BNC2: variants seen among roughly 807,000 people sequenced by gnomAD.
The protein encoded by BNC2 is zinc finger protein basonuclin-2.
BNC2 carries 20 observed loss-of-function variants against 76.3 expected under a neutral mutation model. The ratio of observed to expected loss-of-function variants is 0.26; its 90% CI spans 0.18 to 0.38. The LOEUF is 0.38. BNC2 is among the 10% of genes least tolerant of loss of function. The pLI is 1.00. For synonymous variants in BNC2, 582 were observed against 514.8 expected (o/e 1.13, Z -1.77); for missense variants, 1,382 against 1,399.8 (o/e 0.99, Z 0.20).
intron 1 of BNC2, among the ~76,000 whole-genome samples, chr9:16,815,091 T>A (rs951692590): frequency 3.9e-5 from 6 of 152,206 alleles, no homozygotes; most frequent in Admixed American, 2.0e-4. Flanking sequence ...TACACTCGTT[T>A]GACCAGCCTT....
chr9:16,483,144 G>A (rs577754242), intron 5 of BNC2, among the ~76,000 whole-genome samples: 177 of 152,254 alleles, frequency 1.2e-3, no homozygotes, highest in Non-Finnish European at 2.0e-3. Context: ...GGAATGAGAC[G>A]GGAAATGAAA....
intron 1 of BNC2, among the ~76,000 whole-genome samples, chr9:16,847,842 A>C (rs1333064276): frequency 6.6e-6 from 1 of 152,218 alleles, no homozygotes; most frequent in East Asian, 1.9e-4. Flanking sequence ...TAAACAGTTG[A>C]TTATTTAAAA....
chr9:16,760,866 G>A (rs899000841), intron 1 of BNC2, among the ~76,000 whole-genome samples: 5 of 152,086 alleles, frequency 3.3e-5, no homozygotes, highest in African/African-American at 1.2e-4. Context: ...AATGAGTGCT[G>A]CAGCATTTCT....
At chr9:16,589,491 G>A (rs1819863596) in intron 3 of BNC2, among the ~76,000 whole-genome samples, 2 of 74,750 alleles carry the variant, frequency 2.7e-5, no homozygotes, top group Admixed American at 3.2e-4. Flanking sequence ...TGGCCTAAAA[G>A]CCATTTTTTG....
chr9:16,632,375 G>A (rs963586317), intron 3 of BNC2, among the ~76,000 whole-genome samples: 5 of 152,046 alleles, frequency 3.3e-5, no homozygotes, highest in Non-Finnish European at 7.4e-5. Flanking sequence ...CAAAAAAACT[G>A]GCATAGCCTT....
At chr9:16,683,218 C>T (rs1298715542) in intron 3 of BNC2, among the ~76,000 whole-genome samples, 1 of 152,042 alleles carries the variant, frequency 6.6e-6, no homozygotes, top group East Asian at 1.9e-4. Flanking sequence ...AAAAATAAAG[C>T]TGCTAAGAAA....
chr9:16,763,217 A>G (rs1563931772), intron 1 of BNC2, among the ~76,000 whole-genome samples: 2 of 152,164 alleles, frequency 1.3e-5, no homozygotes, highest in Non-Finnish European at 2.9e-5. Flanking sequence ...TTTTATAGAG[A>G]GTAATTCCGT....
intron 1 of BNC2, among the ~76,000 whole-genome samples, chr9:16,826,165 C>T (rs1818450260): frequency 6.6e-6 from 1 of 152,058 alleles, no homozygotes; most frequent in Admixed American, 6.5e-5. Context: ...AAAAGCTAGT[C>T]ACTGGTGACA....
chr9:16,457,546 A>G (rs1821480335), intron 5 of BNC2, among the ~76,000 whole-genome samples: 1 of 152,196 alleles, frequency 6.6e-6, no homozygotes, highest in African/African-American at 2.4e-5. Context: ...TAATTTCTCC[A>G]GCATTAAATT....
rs568782578 is a variant in BNC2 at position 16,443,817 on chromosome 9, T to C, written c.670-6293A>G. ...TAAGATTATGGGAACATAAAGTGGATTAGTAGTTGCCAGGGGAAAGGGACT... is the reference window on the plus strand; with the variant it reads ...TAAGATTATGGGAACATAAAGTGGACTAGTAGTTGCCAGGGGAAAGGGACT... On this transcript the variant is annotated intron_variant, in intron 5 of 6. Transcript: ENST00000380672. 2.2e-3 allele frequency among the ~76,000 whole-genome samples: 330 copies of C among 152,284 alleles called. 2 individuals carry two copies. The highest frequency in any genetic ancestry group is 7.7e-3 in the African/African-American group (321 of 41,538).
At chr9:16,762,354 C>T (rs551946185) in intron 1 of BNC2, among the ~76,000 whole-genome samples, 4 of 152,268 alleles carry the variant, frequency 2.6e-5, no homozygotes, top group South Asian at 2.1e-4. Flanking sequence ...GAGATCTTTA[C>T]CCACCCTACC....
At chr9:16,726,486 T>G (rs111738827) in intron 3 of BNC2, among the ~76,000 whole-genome samples, 91 of 152,024 alleles carry the variant, frequency 6.0e-4, no homozygotes, top group African/African-American at 2.1e-3. Flanking sequence ...TTGTTTTTTT[T>G]TTATTATCAA....
chr9:16,593,146 TCCTC>T (rs1315442398), intron 3 of BNC2, among the ~76,000 whole-genome samples: 2 of 150,580 alleles, frequency 1.3e-5, no homozygotes, highest in Non-Finnish European at 3.0e-5. Flanking sequence ...AAAAAAAAAA[TCCTC>T]AATTTACTGT....
rs1820996163 is a variant in BNC2, at chr9:16,435,767, T to G, written c.2427A>C (p.Thr809=). 6.2e-7 allele frequency: 1 copy of G among 1,614,132 alleles called. No individual in the cohort carries two copies. Among genetic ancestry groups the G allele is most frequent in the Non-Finnish European group, 8.5e-7 (1 of 1,180,026 alleles). ...GAGGGCTGCCATAATTCAGAGACGA[T>G]GTAAAGCTCTCATGCAAGGCGGCCA... ...ASMAALHESF[T]SSLNYGSPQK... Residue 809 remains threonine, a synonymous_variant, in exon 6 of 7, where the codon ACA becomes ACC. Transcript: ENST00000380672.
intron 5 of BNC2, among the ~76,000 whole-genome samples, chr9:16,529,018 C>A (rs1563826427): frequency 6.6e-6 from 1 of 152,170 alleles, no homozygotes; most frequent in Non-Finnish European, 1.5e-5. Context: ...ATGCCTCTCT[C>A]CTAGCTTCCG....
At chr9:16,776,297 C>T (rs1488254032) in intron 1 of BNC2, among the ~76,000 whole-genome samples, 1 of 152,098 alleles carries the variant, frequency 6.6e-6, no homozygotes. Flanking sequence ...CCCACCACCA[C>T]GCCCTGCTAT....
chr9:16,694,705 T>C (rs1823283744), intron 3 of BNC2, among the ~76,000 whole-genome samples: 1 of 152,138 alleles, frequency 6.6e-6, no homozygotes, highest in African/African-American at 2.4e-5. Context: ...AGAAAGGAAA[T>C]GAGAAAGCAG....
chr9:16,804,076 G>A (rs1179224973), intron 1 of BNC2, among the ~76,000 whole-genome samples: 5 of 152,180 alleles, frequency 3.3e-5, no homozygotes, highest in Admixed American at 2.6e-4. Context: ...CCTGCTCCAC[G>A]CTAAAGAAAA....
At chr9:16,703,454 C>T (rs1467724011) in intron 3 of BNC2, among the ~76,000 whole-genome samples, 1 of 151,210 alleles carries the variant, frequency 6.6e-6, no homozygotes, top group African/African-American at 2.4e-5. Flanking sequence ...CCAAATAGAA[C>T]AAAAAGAAAT....
Sources: gnomAD v4.1 joint callset for allele counts (sites outside exome capture counted in the v4.1 genomes callset) on GRCh38, gnomAD v4.1.1 for gene constraint, MANE v1.5 for transcripts, NCBI Gene and HGNC (gene_info 2026-07-23, HGNC 2026-07-21) for gene names.